TMEM64: variants seen among roughly 807,000 people sequenced by gnomAD.
TMEM64 encodes the protein transmembrane protein 64.
In TMEM64, 19 loss-of-function variants were observed where a neutral mutation model predicts 24.5. The observed-to-expected ratio is 0.78, with a 90% CI of 0.54 to 1.14. TMEM64 has a LOEUF of 1.14. TMEM64 is among the 50% of genes most tolerant of loss of function. The pLI is 0.00. For synonymous variants in TMEM64, 262 were observed against 224.7 expected (o/e 1.17, Z -1.49); for missense variants, 487 against 493.0 (o/e 0.99, Z 0.12).
In TMEM64 at chr8:90,625,732, C is replaced by T. The variant is rs938527005; in HGVS notation, c.1082G>A (p.Gly361Asp). 1 of 1,613,840 alleles carries T rather than the reference C, an allele frequency of 6.2e-7. No homozygotes were observed. Among genetic ancestry groups the T allele is most frequent in the Non-Finnish European group, 8.5e-7 (1 of 1,179,892 alleles). The change falls in exon 3 of 3, where the codon GGC becomes GAC. Residue 361 changes from glycine to aspartate, a missense_variant. Around this residue, in one of 3 missense-constraint regions of TMEM64, gnomAD observed 58 missense variants for 58.2 expected, o/e 1.00. Transcript: ENST00000458549. The stretch of plus-strand genomic sequence containing the variant: ...GGTCCTCTTGTTGTAGAATGAAGAG[C>T]CACTGGTATTTGGTTGATTGCCTTT... ...LVKGNQPNTSGSSFYNKRTLT... is the reference protein window; with the variant it reads ...LVKGNQPNTSDSSFYNKRTLT...
chr8:90,637,993 T>C (rs1319784121), intron 1 of TMEM64, among the ~76,000 whole-genome samples: 1 of 152,270 alleles, frequency 6.6e-6, no homozygotes, highest in Admixed American at 6.5e-5. Context: ...CCACATTCAA[T>C]ATCTACTACA....
intron 1 of TMEM64, among the ~76,000 whole-genome samples, chr8:90,637,135 A>G (rs1054892274): frequency 1.3e-5 from 2 of 152,176 alleles, no homozygotes; most frequent in African/African-American, 4.8e-5. Flanking sequence ...AAATGAGAGG[A>G]AAAAAAACTA....
intron 1 of TMEM64, among the ~76,000 whole-genome samples, chr8:90,640,767 A>G (rs1178075071): frequency 1.3e-5 from 2 of 152,238 alleles, no homozygotes; most frequent in Non-Finnish European, 2.9e-5. Flanking sequence ...GCTTAAAGTT[A>G]TGATGACATC....
chr8:90,644,354 T>C (rs1207577134), intron 1 of TMEM64, among the ~76,000 whole-genome samples: 1 of 152,252 alleles, frequency 6.6e-6, no homozygotes, highest in Non-Finnish European at 1.5e-5. Context: ...GCAGTGTTTC[T>C]ATCCTAAATC....
rs2130492099 is a variant in TMEM64 at position 90,624,644 on chromosome 8, G to T, written c.*1027C>A. ...AAAGTAGGGCAAATAACAAAATTTG[G>T]GCATATTTATAGTTTTAAAGCTGAA... is the stretch of plus-strand genomic sequence containing the variant. On this transcript the variant is annotated 3_prime_UTR_variant, in exon 3 of 3. Coordinates refer to ENST00000458549, the MANE Select transcript of TMEM64 (RefSeq NM_001008495.4). 6.6e-6 allele frequency: 1 copy of T among 152,298 alleles called. No homozygotes were observed. The highest frequency in any genetic ancestry group is 1.5e-5 in the Non-Finnish European group (1 of 67,860). 9.4% of individuals were successfully genotyped at this position (152,298 alleles called of 1,614,324 possible).
In TMEM64 at chr8:90,625,548, T is replaced by G; in HGVS notation, c.*123A>C. 1.2e-6 allele frequency: 1 copy of G among 801,786 alleles called. No homozygotes were observed. The highest frequency in any genetic ancestry group is 1.9e-6 in the Non-Finnish European group (1 of 532,176). The allele number at this position is 801,786 out of a possible 1,614,324, so 49.7% of individuals were successfully genotyped here. A position where few individuals can be genotyped will look rare whatever the true frequency, so the allele number is the denominator to read the frequency against. Reference sequence around the variant, plus strand: ...TTTAAAAAAAAAAAATTGTGCAATTTAAAAACTAGTCAGTTTTGTTTGTGC... The same window carrying G: ...TTTAAAAAAAAAAAATTGTGCAATTGAAAAACTAGTCAGTTTTGTTTGTGC... On this transcript the variant is annotated 3_prime_UTR_variant, in exon 3 of 3. Transcript: ENST00000458549.
intron 1 of TMEM64, among the ~76,000 whole-genome samples, chr8:90,634,875 T>TA (rs1809492178): frequency 6.6e-6 from 1 of 152,204 alleles, no homozygotes; most frequent in Non-Finnish European, 1.5e-5. Context: ...GGTGAATCTA[T>TA]AACTATTAAT....
chr8:90,645,691 C>A lies in TMEM64; in HGVS notation c.215G>T (p.Arg72Leu). The A allele has an allele frequency of 6.8e-7, 1 of 1,462,468 alleles. No individual in the cohort carries two copies. The highest frequency in any genetic ancestry group is 9.0e-7 in the Non-Finnish European group (1 of 1,116,216). 90.6% of individuals were successfully genotyped at this position (1,462,468 alleles called of 1,614,324 possible). A position where few individuals can be genotyped will look rare whatever the true frequency, so the allele number is the denominator to read the frequency against. Residue 72 changes from arginine to leucine, a missense_variant, in exon 1 of 3, where the codon CGC becomes CTC. Physicochemically the swap from Arg to Leu is moderately radical, Grantham distance 102. Around this residue, in one of 3 missense-constraint regions of TMEM64, gnomAD observed 419 missense variants for 407.5 expected, o/e 1.03. Coordinates refer to ENST00000458549, the MANE Select transcript of TMEM64 (RefSeq NM_001008495.4). This position sits in a 1 kb window ranked among gnomAD's most constrained non-coding sequence, Gnocchi z 4.2. The stretch of plus-strand genomic sequence containing the variant: ...CTCCGAAGCCTCGGGCGGACCGTGG[C>A]GCTCCAGATAGGCGCCGAGCAGGGC... ...SGALLGAYLERHGPPEASELP... is the reference protein window; with the variant it reads ...SGALLGAYLELHGPPEASELP...
chr8:90,623,079 A>C lies in TMEM64; in HGVS notation c.*2592T>G, dbSNP rs1369507191. The C allele has an allele frequency of 6.6e-6, 1 of 152,194 alleles. No homozygotes were observed. Among genetic ancestry groups the C allele is most frequent in the East Asian group, 1.9e-4 (1 of 5,204 alleles). The allele number at this position is 152,194 out of a possible 1,614,324, so 9.4% of individuals were successfully genotyped here. On this transcript the variant is annotated 3_prime_UTR_variant, in exon 3 of 3. Coordinates refer to ENST00000458549, the MANE Select transcript of TMEM64 (RefSeq NM_001008495.4). ...GAGTAAACAAAATCATTAACAATAA[A>C]CCAAAAAACATGTAAAACTTAAGAA...
chr8:90,645,536 C>G lies in TMEM64; in HGVS notation c.370G>C (p.Val124Leu), dbSNP rs1157895821. Reference protein sequence around the residue: ...LGSTCWCRSLVLVCVLAALCF... With the variant: ...LGSTCWCRSLLLVCVLAALCF... ...AGGGCGGCCAACACGCAGACCAGCA[C>G]GAGGCTCCGGCACCAACAGGTGCTG... is the stretch of plus-strand genomic sequence containing the variant. The change falls in exon 1 of 3, where the codon GTG becomes CTG. Residue 124 changes from valine (V) to leucine (L), a missense_variant. This residue lies in a region of TMEM64 where 419 missense variants were observed against 407.5 expected (regional missense o/e 1.03). Transcript: ENST00000458549. This position sits in a 1 kb window ranked among gnomAD's most constrained non-coding sequence, Gnocchi z 4.2. 7.7e-6 allele frequency: 12 copies of G among 1,548,784 alleles called. No individual in the cohort carries two copies. In the South Asian group the frequency reaches 9.5e-5, roughly 12 times the overall value.
chr8:90,630,887 T>G (rs1312685075), intron 2 of TMEM64, among the ~76,000 whole-genome samples: 1 of 152,228 alleles, frequency 6.6e-6, no homozygotes. Context: ...TATTTCTGCA[T>G]GCAAATTTAA....
rs1282394570 is a variant in TMEM64, at chr8:90,631,416, A to G, written c.951+136T>C. 4 of 633,556 alleles carry G rather than the reference A, an allele frequency of 6.3e-6. No individual in the cohort carries two copies. In the Admixed American group the frequency reaches 1.3e-4, roughly 20 times the overall value. 39.2% of individuals were successfully genotyped at this position (633,556 alleles called of 1,614,324 possible). A position where few individuals can be genotyped will look rare whatever the true frequency, so the allele number is the denominator to read the frequency against. ...TTTTAATGTTGTCAAAATATGTAGTAGTAATGAAAGAACCAAGAAAAAAAT... is the reference window on the plus strand; with the variant it reads ...TTTTAATGTTGTCAAAATATGTAGTGGTAATGAAAGAACCAAGAAAAAAAT... On this transcript the variant is annotated intron_variant, in intron 2 of 2. Transcript: ENST00000458549.
intron 1 of TMEM64, among the ~76,000 whole-genome samples, chr8:90,643,760 G>T (rs920277814): frequency 6.6e-6 from 1 of 152,168 alleles, no homozygotes; most frequent in African/African-American, 2.4e-5. Context: ...CTATAGGAGG[G>T]TATGAAAAAG....
At chr8:90,640,762 AAG>A (rs1809592311) in intron 1 of TMEM64, among the ~76,000 whole-genome samples, 1 of 152,226 alleles carries the variant, frequency 6.6e-6, no homozygotes, top group Non-Finnish European at 1.5e-5. Context: ...TATCTGCTTA[AAG>A]TTATGATGAC....
chr8:90,645,679 G>A lies in TMEM64; in HGVS notation c.227C>T (p.Pro76Leu), dbSNP rs1227483871. 1 of 1,482,512 alleles carries A rather than the reference G, an allele frequency of 6.7e-7. No homozygotes were observed. 91.8% of individuals were successfully genotyped at this position (1,482,512 alleles called of 1,614,324 possible). ...LGAYLERHGP[P>L]EASELPEPGG... ...CGGCTCCGGCAGCTCCGAAGCCTCG[G>A]GCGGACCGTGGCGCTCCAGATAGGC... Residue 76 changes from proline (P) to leucine (L), a missense_variant, in exon 1 of 3, where the codon CCC becomes CTC. This residue lies in a region of TMEM64 where 419 missense variants were observed against 407.5 expected (regional missense o/e 1.03). Coordinates refer to ENST00000458549, the MANE Select transcript of TMEM64 (RefSeq NM_001008495.4). This position sits in a 1 kb window ranked among gnomAD's most constrained non-coding sequence, Gnocchi z 4.2.
chr8:90,645,137 A>T lies in TMEM64; in HGVS notation c.769T>A (p.Phe257Ile). The change falls in exon 1 of 3, where the codon TTT (phenylalanine) becomes ATT (isoleucine). Residue 257 changes from phenylalanine to isoleucine, a missense_variant. Around this residue, in one of 3 missense-constraint regions of TMEM64, gnomAD observed 419 missense variants for 407.5 expected, o/e 1.03. Transcript: ENST00000458549. The surrounding 1 kb of genome is among the most constrained non-coding windows in gnomAD (Gnocchi z 4.2). The stretch of plus-strand genomic sequence containing the variant: ...GAAAACACTGCATTCTGAAGCCCAA[A>T]AGGTATGGGTGTCAGTCTGGCCAGC... ...VALARLTPIP[F>I]GLQNAVFSIT... The T allele has an allele frequency of 6.2e-7, 1 of 1,610,828 alleles. No individual in the cohort carries two copies. The highest frequency in any genetic ancestry group is 2.2e-5 in the East Asian group (1 of 44,744).
chr8:90,636,105 T>C (rs1809513395), intron 1 of TMEM64, among the ~76,000 whole-genome samples: 1 of 152,212 alleles, frequency 6.6e-6, no homozygotes, highest in Non-Finnish European at 1.5e-5. Flanking sequence ...TATGCATACA[T>C]ATAATTTTAG....
At position 90,624,309 on chromosome 8, in the gene TMEM64, A is replaced by G. The variant is rs1222776987; in HGVS notation, c.*1362T>C. 6.6e-6 allele frequency: 1 copy of G among 152,066 alleles called. No homozygotes were observed. The highest frequency in any genetic ancestry group is 1.5e-5 in the Non-Finnish European group (1 of 67,928). 9.4% of individuals were successfully genotyped at this position (152,066 alleles called of 1,614,324 possible). On this transcript the variant is annotated 3_prime_UTR_variant, in exon 3 of 3. Coordinates refer to ENST00000458549, the MANE Select transcript of TMEM64 (RefSeq NM_001008495.4). ...AGCTTTCACCGTAATGAAAAGGCAA[A>G]TGGGAGGTCTCTGATAAGTTGGAAT...
intron 1 of TMEM64, among the ~76,000 whole-genome samples, chr8:90,644,091 T>C (rs1809649110): frequency 1.3e-5 from 2 of 151,684 alleles, no homozygotes; most frequent in South Asian, 4.1e-4. Flanking sequence ...ATTCCTATGG[T>C]TTTGAATGCA....
Sources: allele counts gnomAD v4.1 joint callset (sites outside exome capture counted in the v4.1 genomes callset), GRCh38; gene constraint gnomAD v4.1.1; regional missense constraint gnomAD v4.1.1; non-coding constraint Gnocchi (gnomAD v3.1); transcripts MANE v1.5; gene names NCBI Gene and HGNC (gene_info 2026-07-23, HGNC 2026-07-21).